The following RAPGEF4 variants were observed in gnomAD, a reference collection of about 807,000 sequenced individuals.
The protein encoded by RAPGEF4 is RAP guanine-nucleotide-exchange factor (GEF) 4.
RAPGEF4 carries 66 observed loss-of-function variants against 147.9 expected under a neutral mutation model. The observed-to-expected ratio is 0.45, with a 90% confidence interval of 0.37 to 0.55. The LOEUF (loss-of-function observed/expected upper bound fraction) is 0.55, where lower values mean the gene tolerates loss of function less well. Among genes scored for constraint, RAPGEF4 ranks in the 20% least tolerant of loss-of-function variants. The pLI, the probability that RAPGEF4 is intolerant of heterozygous loss-of-function variation, is 0.00. For missense variants in RAPGEF4, 1,071 were observed against 1,257.3 expected, an observed-to-expected ratio of 0.85 and a Z score of 2.24; for synonymous variants, 419 against 442.7, an observed-to-expected ratio of 0.95 and a Z score of 0.67.
chr2:172,957,531 G>A (rs935250481), intron 6 of RAPGEF4, among the ~76,000 whole-genome samples: 14 of 152,210 alleles, frequency 9.2e-5, no homozygotes, highest in African/African-American at 3.4e-4. Flanking sequence ...TACCAACATA[G>A]TTCTGAGGAT....
At chr2:172,971,520 A>T (rs1198181867) in intron 10 of RAPGEF4, among the ~76,000 whole-genome samples, 1 of 152,218 alleles carries the variant, frequency 6.6e-6, no homozygotes, top group Non-Finnish European at 1.5e-5. Context: ...TCAGAAACAC[A>T]CAAACTTGAG....
chr2:172,995,995 G>A (rs2105769746), intron 15 of RAPGEF4, among the ~76,000 whole-genome samples: 1 of 152,300 alleles, frequency 6.6e-6, no homozygotes. Context: ...GTACAGTTGG[G>A]AAAGACAGAG....
rs1400897227 is a variant in RAPGEF4 at position 172,810,089 on chromosome 2, C to T, written c.298-4190C>T. On this transcript the variant is annotated intron_variant, in intron 3 of 30. Transcript: ENST00000397081. The stretch of plus-strand genomic sequence containing the variant: ...ACCTTAACAGATTTTCCAACTGAAC[C>T]TTGGCTAAGAGGTACTTATACTTAC... 2.0e-5 allele frequency among the ~76,000 whole-genome samples: 3 copies of T among 152,126 alleles called. No individual in the cohort carries two copies. In the East Asian group the frequency reaches 5.8e-4, roughly 29 times the overall value.
chr2:172,791,358 A>G (rs547518244), intron 1 of RAPGEF4, among the ~76,000 whole-genome samples: 3 of 152,320 alleles, frequency 2.0e-5, no homozygotes, highest in South Asian at 2.1e-4. Context: ...AGAAGATTAC[A>G]TGCAAGGACT....
At chr2:172,914,491 G>A (rs916093632) in intron 4 of RAPGEF4, among the ~76,000 whole-genome samples, 6 of 151,348 alleles carry the variant, frequency 4.0e-5, no homozygotes, top group Non-Finnish European at 7.4e-5. Context: ...GAGCCACCAC[G>A]CCCTGCCGGA....
At chr2:172,849,379 A>T (rs915298621) in intron 4 of RAPGEF4, among the ~76,000 whole-genome samples, 1 of 152,262 alleles carries the variant, frequency 6.6e-6, no homozygotes, top group African/African-American at 2.4e-5. Flanking sequence ...TACTAAAAGC[A>T]TCTCTGAATG....
chr2:172,768,547 C>T (rs180939733), intron 1 of RAPGEF4, among the ~76,000 whole-genome samples: 154 of 151,418 alleles, frequency 1.0e-3, no homozygotes, highest in African/African-American at 3.5e-3. Context: ...GTGGATTCAT[C>T]AAGAAATCAC....
At chr2:172,883,386 C>T (rs908011095) in intron 4 of RAPGEF4, among the ~76,000 whole-genome samples, 1 of 152,076 alleles carries the variant, frequency 6.6e-6, no homozygotes, top group African/African-American at 2.4e-5. Context: ...AGGATTAATC[C>T]ATTCATGAGG....
chr2:172,941,393 A>G (rs1357754131), intron 6 of RAPGEF4, among the ~76,000 whole-genome samples: 1 of 152,160 alleles, frequency 6.6e-6, no homozygotes, highest in East Asian at 1.9e-4. Context: ...AACCATTTGT[A>G]TAATGTATAT....
At chr2:172,938,214 TACACAC>T (rs57780996) in intron 6 of RAPGEF4, among the ~76,000 whole-genome samples, 2,393 of 148,256 alleles carry the variant, frequency 0.016, 67 homozygotes, top group African/African-American at 0.055. Flanking sequence ...TATCTGTAAG[TACACAC>T]ACACACACAC....
At chr2:172,866,431 G>A (rs902796198) in intron 4 of RAPGEF4, among the ~76,000 whole-genome samples, 1 of 151,998 alleles carries the variant, frequency 6.6e-6, no homozygotes, top group African/African-American at 2.4e-5. Context: ...GCTTTTTAGT[G>A]CTCTCCTATT....
chr2:172,878,693 G>T (rs963159930), intron 4 of RAPGEF4, among the ~76,000 whole-genome samples: 1 of 152,206 alleles, frequency 6.6e-6, no homozygotes, highest in South Asian at 2.1e-4. Context: ...CTAAAGTAAA[G>T]AACTCAAAAT....
chr2:172,911,758 CTTTTTT>C (rs34659758), intron 4 of RAPGEF4, among the ~76,000 whole-genome samples: 2,739 of 63,320 alleles, frequency 0.043, 87 homozygotes, highest in East Asian at 0.28. Flanking sequence ...TGTGCTAAGC[CTTTTTT>C]TTTTTTTTTT....
intron 6 of RAPGEF4, among the ~76,000 whole-genome samples, chr2:172,957,755 A>G (rs753185496): frequency 8.5e-5 from 13 of 152,346 alleles, no homozygotes; most frequent in Middle Eastern, 3.4e-3. Context: ...TCTGCCTTTC[A>G]ACAGATGAAA....
chr2:172,822,109 A>G (rs1431029351), intron 4 of RAPGEF4: 1 of 1,104,714 alleles, frequency 9.1e-7, no homozygotes, highest in Admixed American at 2.1e-5. Context: ...AGACCCAAAT[A>G]TGTACCATGG....
At chr2:172,954,172 A>G (rs1688501124) in intron 6 of RAPGEF4, among the ~76,000 whole-genome samples, 3 of 152,202 alleles carry the variant, frequency 2.0e-5, no homozygotes, top group Non-Finnish European at 4.4e-5. Context: ...CCCCATCCCC[A>G]GGAGTTTCTC....
At chr2:172,840,371 T>TAGCCAGATC (rs1342312503) in intron 4 of RAPGEF4, among the ~76,000 whole-genome samples, 1 of 152,246 alleles carries the variant, frequency 6.6e-6, no homozygotes. Flanking sequence ...CAGGACAGAT[T>TAGCCAGATC]AGCCAGATCA....
chr2:172,779,645 G>C (rs1447625205), intron 1 of RAPGEF4, among the ~76,000 whole-genome samples: 1 of 152,136 alleles, frequency 6.6e-6, no homozygotes, highest in Non-Finnish European at 1.5e-5. Flanking sequence ...AGAGTTTTGA[G>C]CAGGACATGC....
intron 4 of RAPGEF4, among the ~76,000 whole-genome samples, chr2:172,908,725 T>C (rs539549902): frequency 4.6e-5 from 7 of 152,326 alleles, no homozygotes; most frequent in African/African-American, 9.6e-5. Context: ...CTAGTGATCA[T>C]TGGGGCTGAA....
Sources: allele counts gnomAD v4.1 joint callset (sites outside exome capture counted in the v4.1 genomes callset), GRCh38; gene constraint gnomAD v4.1.1; transcripts MANE v1.5; gene names NCBI Gene and HGNC (gene_info 2026-07-23, HGNC 2026-07-21).